Variants in SQSTM1 observed in about 807,000 individuals in gnomAD.
SQSTM1 encodes sequestosome 1, also known as sequestosome-1.
SQSTM1 carries 36 observed loss-of-function variants against 45.1 expected under a neutral mutation model. The observed-to-expected ratio is 0.80, with a 90% CI of 0.61 to 1.05. SQSTM1 has a LOEUF of 1.05. Among genes scored for constraint, SQSTM1 ranks in the 50% least tolerant of loss-of-function variants. The probability of loss-of-function intolerance (pLI) is 0.00; values close to 1 mark genes in which losing one functional copy is unlikely to be tolerated. For missense variants in SQSTM1, 617 were observed against 607.1 expected, an observed-to-expected ratio of 1.02 and a Z score of -0.17; for synonymous variants, 290 against 244.3, an observed-to-expected ratio of 1.19 and a Z score of -1.74.
At position 179,833,649 on chromosome 5, in the gene SQSTM1, A is replaced by G. The variant is rs982817243; in HGVS notation, c.1032A>G (p.Lys344=). The G allele has an allele frequency of 2.0e-5, 32 of 1,614,070 alleles. No homozygotes were observed. The highest frequency in any genetic ancestry group is 1.6e-4 in the Middle Eastern group (1 of 6,084). ...GDDDWTHLSS[K]EVDPSTGELQ... ...ATGACTGGACCCATCTGTCTTCAAA[A>G]GAAGTGGACCCGTCTACAGGTGAAC... The change falls in exon 7 of 8, where the codon AAA becomes AAG. Residue 344 remains lysine (K), a synonymous_variant. Coordinates refer to ENST00000389805, the MANE Select transcript of SQSTM1 (RefSeq NM_003900.5).
chr5:179,836,151 A>T, intron 7 of SQSTM1: 1 of 550,086 alleles, frequency 1.8e-6, no homozygotes, highest in Non-Finnish European at 3.3e-6. Context: ...TTTTAAAATC[A>T]AAAGATGTGA....
chr5:179,810,353 G>T (rs1757360582), intron 1 of SQSTM1, among the ~76,000 whole-genome samples: 1 of 152,092 alleles, frequency 6.6e-6, no homozygotes, highest in Non-Finnish European at 1.5e-5. Flanking sequence ...CCACCTATGA[G>T]TGAGAACATG....
chr5:179,822,333 A>G (rs1265296260), intron 1 of SQSTM1, among the ~76,000 whole-genome samples: 2 of 152,032 alleles, frequency 1.3e-5, no homozygotes, highest in Non-Finnish European at 2.9e-5. Context: ...ATTAGTTGAC[A>G]GACATTTGGG....
At position 179,806,463 on chromosome 5, in the gene SQSTM1, G is replaced by C. The variant is rs534803525; in HGVS notation, c.-285G>C. ...GCCGACGCCCAGGTGCGCCAGGTGC[G>C]GGCCGGGCGGGGGTCGCGCTCACCT... On this transcript the variant is annotated 5_prime_UTR_variant, in exon 1 of 6. Coordinates refer to the SQSTM1 transcript ENST00000514093. The surrounding 1 kb of genome is among the most constrained non-coding windows in gnomAD (Gnocchi z 4.6). 2.2e-5 allele frequency: 28 copies of C among 1,245,148 alleles called. No homozygotes were observed. The East Asian group carries it at 3.9e-4, about 17-fold the overall frequency. The allele number at this position is 1,245,148 out of a possible 1,614,324, so 77.1% of individuals were successfully genotyped here. A position where few individuals can be genotyped will look rare whatever the true frequency, so the allele number is the denominator to read the frequency against.
At chr5:179,816,392 C>G (rs1376032739), upstream of SQSTM1, among the ~76,000 whole-genome samples, 1 of 149,394 alleles carries the variant, frequency 6.7e-6, no homozygotes, top group Non-Finnish European at 1.5e-5. Context: ...TCGTGATCCG[C>G]CCACCTCGGC....
At chr5:179,832,412 C>T (rs939582689) in intron 5 of SQSTM1, among the ~76,000 whole-genome samples, 2 of 152,232 alleles carry the variant, frequency 1.3e-5, no homozygotes, top group Non-Finnish European at 2.9e-5. Context: ...CAGCGTTGGG[C>T]CCTACGCAGC....
intron 1 of SQSTM1, 91 bp downstream of exon 1, chr5:179,821,232 C>T: frequency 1.6e-6 from 2 of 1,219,202 alleles, no homozygotes; most frequent in Non-Finnish European, 2.1e-6. Context: ...CTCGGCGACG[C>T]CTGGCGGGCC....
rs767007649 is a variant in SQSTM1, at chr5:179,825,245, C to T, written c.754+19C>T. The T allele has an allele frequency of 6.2e-7, 1 of 1,601,902 alleles. No individual in the cohort carries two copies. The highest frequency in any genetic ancestry group is 8.5e-7 in the Non-Finnish European group (1 of 1,169,742). ...CCTCTGGGTGAGTGCACCTCCTTGC[C>T]CAGTGCTTCCCTAACTCAGCCTGCA... On this transcript the variant is annotated intron_variant, in intron 5 of 7. Coordinates refer to ENST00000389805, the MANE Select transcript of SQSTM1 (RefSeq NM_003900.5).
chr5:179,815,089 T>C (rs2113467341), upstream of SQSTM1, among the ~76,000 whole-genome samples: 1 of 152,028 alleles, frequency 6.6e-6, no homozygotes, highest in East Asian at 1.9e-4. Flanking sequence ...TGTGACTGTT[T>C]CTGGCCTGTA....
rs189245682 is a variant in SQSTM1 at position 179,828,053 on chromosome 5, G to A, written c.754+2827G>A. Among the ~76,000 whole-genome samples the A allele has an allele frequency of 1.5e-4, 23 of 152,284 alleles. No homozygotes were observed. The East Asian group carries it at 3.3e-3, about 22-fold the overall frequency. ...CTGGTCGTGGGATCTTTGATAAACCGACACGCAGAGGCTTTGTGAGGCAGC... is the reference window on the plus strand; with the variant it reads ...CTGGTCGTGGGATCTTTGATAAACCAACACGCAGAGGCTTTGTGAGGCAGC... On this transcript the variant is annotated intron_variant, in intron 5 of 7. Transcript: ENST00000389805.
Position 179,821,040 on chromosome 5 carries a change from C to T in SQSTM1, c.104C>T (p.Ala35Val). 9 of 1,550,102 alleles carry T rather than the reference C, an allele frequency of 5.8e-6. No individual in the cohort carries two copies. The South Asian group carries it at 1.1e-4, about 18-fold the overall frequency. ...TGCAGCCCCGAGCCTGAGGCGGAAG[C>T]CGAGGCTGCGGCGGGTCCGGGACCC... ...FCCSPEPEAE[A>V]EAAAGPGPCE... The change falls in exon 1 of 8, where the codon GCC (alanine) becomes GTC (valine). Residue 35 changes from alanine (A) to valine (V), a missense_variant. Coordinates refer to ENST00000389805, the MANE Select transcript of SQSTM1 (RefSeq NM_003900.5).
intron 4 of SQSTM1, 97 bp from the exon 5 acceptor site, chr5:179,825,049 C>A (rs1757936558): frequency 7.8e-6 from 10 of 1,275,360 alleles, no homozygotes; most frequent in African/African-American, 1.5e-5. Context: ...TTAAAGGTCA[C>A]CCGGGAACAC....
chr5:179,826,055 G>T (rs1252284766), intron 5 of SQSTM1, among the ~76,000 whole-genome samples: 1 of 152,192 alleles, frequency 6.6e-6, no homozygotes, highest in Non-Finnish European at 1.5e-5. Flanking sequence ...CCTGTCCAAA[G>T]GTTGTGTTCA....
chr5:179,818,952 T>C (rs1757665517), upstream of SQSTM1: 3 of 151,094 alleles, frequency 2.0e-5, no homozygotes, highest in Non-Finnish European at 2.9e-5. Flanking sequence ...AGGGGGAGAG[T>C]GTCTGTCTGG....
At chr5:179,812,445 G>A (rs1390183443) in intron 2 of SQSTM1, 3 of 152,242 alleles carry the variant, frequency 2.0e-5, no homozygotes, top group Non-Finnish European at 4.4e-5. Context: ...GACTGCAGAA[G>A]GCGCCCTGGG....
rs760096900 is a variant in SQSTM1, at chr5:179,836,628, C to T, written c.*35C>T. The T allele has an allele frequency of 6.8e-6, 11 of 1,613,786 alleles. No individual in the cohort carries two copies. In the African/African-American group the frequency reaches 1.3e-4, roughly 20 times the overall value. Reference sequence around the variant, plus strand: ...CCCACCTCTTCTGCGTGCCCCTCTTCTGTCTCATAGTTGTGTTAAGCTTGC... The same window carrying T: ...CCCACCTCTTCTGCGTGCCCCTCTTTTGTCTCATAGTTGTGTTAAGCTTGC... On this transcript the variant is annotated 3_prime_UTR_variant, in exon 8 of 8. Coordinates refer to ENST00000389805, the MANE Select transcript of SQSTM1 (RefSeq NM_003900.5).
In SQSTM1 at chr5:179,837,880, C is replaced by G; in HGVS notation, c.*1287C>G. 6.2e-7 allele frequency: 1 copy of G among 1,603,960 alleles called. No individual in the cohort carries two copies. On this transcript the variant is annotated 3_prime_UTR_variant, in exon 8 of 8. Transcript: ENST00000389805. The stretch of plus-strand genomic sequence containing the variant: ...GTTTCACCTTCCATGTCAGGCCAGC[C>G]TGTCCCTGAAAGAGAAGATGGCCAT...
chr5:179,822,606 T>C (rs1757821815), intron 1 of SQSTM1: 1 of 361,622 alleles, frequency 2.8e-6, no homozygotes, highest in East Asian at 7.1e-5. Flanking sequence ...TCTCCCACAG[T>C]TGAAGACGGA....
intron 1 of SQSTM1, chr5:179,821,599 G>C (rs745970408): frequency 8.7e-5 from 39 of 445,920 alleles, no homozygotes; most frequent in Non-Finnish European, 1.6e-4. Context: ...GCGCCGGCGA[G>C]GGGAGGGAGT....
Sources: allele counts gnomAD v4.1 joint callset (sites outside exome capture counted in the v4.1 genomes callset), GRCh38; gene constraint gnomAD v4.1.1; non-coding constraint Gnocchi (gnomAD v3.1); transcripts MANE v1.5; gene names NCBI Gene and HGNC (gene_info 2026-07-23, HGNC 2026-07-21).